CRPPA: variants seen among roughly 807,000 people sequenced by gnomAD.
CRPPA encodes D-ribitol-5-phosphate cytidylyltransferase.
In CRPPA, 43 loss-of-function variants were observed where a neutral mutation model predicts 52.0. That is an observed-to-expected ratio of 0.83 (90% CI 0.65 to 1.07). CRPPA has a LOEUF of 1.07. Among genes scored for constraint, CRPPA ranks in the 50% least tolerant of loss-of-function variants. CRPPA has a pLI of 0.00. For synonymous variants in CRPPA, 250 were observed against 203.5 expected (o/e 1.23, Z -1.94); for missense variants, 629 against 551.7 (o/e 1.14, Z -1.40).
At chr7:16,141,208 A>C (rs543071750) in intron 9 of CRPPA, among the ~76,000 whole-genome samples, 3 of 152,258 alleles carry the variant, frequency 2.0e-5, no homozygotes, top group Admixed American at 2.0e-4. Flanking sequence ...TTATCACTGC[A>C]ATTGTATTTG....
chr7:16,323,241 C>A (rs1785302682), intron 3 of CRPPA, among the ~76,000 whole-genome samples: 1 of 152,160 alleles, frequency 6.6e-6, no homozygotes, highest in African/African-American at 2.4e-5. Flanking sequence ...GGATATTATG[C>A]AGCATATTTA....
chr7:16,269,627 A>G (rs1784044114), intron 6 of CRPPA: 1 of 152,200 alleles, frequency 6.6e-6, no homozygotes, highest in Non-Finnish European at 1.5e-5. Context: ...GGCCTTGGAA[A>G]GAAGTTTTCC....
At chr7:16,130,805 C>T (rs1247484399) in intron 9 of CRPPA, among the ~76,000 whole-genome samples, 1 of 152,098 alleles carries the variant, frequency 6.6e-6, no homozygotes, top group Non-Finnish European at 1.5e-5. Flanking sequence ...CCCAAAATTC[C>T]TGTGTTGAAG....
intron 8 of CRPPA, among the ~76,000 whole-genome samples, chr7:16,245,277 A>G (rs12532139): frequency 0.11 from 17,394 of 152,284 alleles, 1,116 homozygotes; most frequent in East Asian, 0.21. Context: ...ACTGTGATAT[A>G]TCTAGATTTA....
At chr7:16,302,112 C>T (rs181047631) in intron 4 of CRPPA, among the ~76,000 whole-genome samples, 2,464 of 151,942 alleles carry the variant, frequency 0.016, 58 homozygotes, top group Admixed American at 0.059. Context: ...TTAGATAACA[C>T]GGTGAAACCC....
chr7:16,225,318 A>G (rs1441206129), intron 8 of CRPPA, among the ~76,000 whole-genome samples: 5 of 151,998 alleles, frequency 3.3e-5, no homozygotes, highest in African/African-American at 1.2e-4. Context: ...AAATTATTTT[A>G]CAAGGTGGTC....
At chr7:16,413,317 A>T (rs1265478727) in intron 1 of CRPPA, among the ~76,000 whole-genome samples, 5 of 152,156 alleles carry the variant, frequency 3.3e-5, no homozygotes, top group Non-Finnish European at 1.5e-5. Context: ...ACTTATTTTG[A>T]AGGTGTTCCA....
chr7:16,334,692 T>C (rs926300753), intron 3 of CRPPA, among the ~76,000 whole-genome samples: 4 of 152,084 alleles, frequency 2.6e-5, no homozygotes, highest in African/African-American at 7.2e-5. Context: ...GTTGAGCCAG[T>C]GATCTTACCA....
At chr7:16,185,471 A>T (rs1320915423) in intron 9 of CRPPA, among the ~76,000 whole-genome samples, 2 of 152,208 alleles carry the variant, frequency 1.3e-5, no homozygotes, top group Non-Finnish European at 2.9e-5. Flanking sequence ...TCATGTTTAT[A>T]GTAGTGTTAT....
At chr7:16,173,091 C>G (rs1485322958) in intron 9 of CRPPA, among the ~76,000 whole-genome samples, 1 of 152,172 alleles carries the variant, frequency 6.6e-6, no homozygotes, top group African/African-American at 2.4e-5. Flanking sequence ...CAGTGATTAT[C>G]AAGGTCGTTT....
chr7:16,222,117 TA>T (rs1485096749), intron 8 of CRPPA, among the ~76,000 whole-genome samples: 4 of 151,602 alleles, frequency 2.6e-5, no homozygotes, highest in African/African-American at 7.3e-5. Flanking sequence ...TATGCAGCCA[TA>T]AAAAATGATG....
intron 3 of CRPPA, among the ~76,000 whole-genome samples, chr7:16,346,219 T>A (rs1786011350): frequency 6.6e-6 from 1 of 152,050 alleles, no homozygotes; most frequent in Non-Finnish European, 1.5e-5. Flanking sequence ...GGACTGCATA[T>A]TTAAAAAGGA....
chr7:16,325,139 C>A (rs1420152303), intron 3 of CRPPA, among the ~76,000 whole-genome samples: 1 of 152,180 alleles, frequency 6.6e-6, no homozygotes, highest in African/African-American at 2.4e-5. Context: ...TCTGGATGAA[C>A]TGGTTGGCAA....
chr7:16,227,442 G>T (rs1027250759), intron 8 of CRPPA, among the ~76,000 whole-genome samples: 19 of 151,808 alleles, frequency 1.3e-4, no homozygotes, highest in Non-Finnish European at 2.9e-5. Context: ...TAGGCATGAG[G>T]TGATATCTCA....
chr7:16,280,619 T>C (rs1784302395), intron 5 of CRPPA, among the ~76,000 whole-genome samples: 1 of 152,226 alleles, frequency 6.6e-6, no homozygotes, highest in Non-Finnish European at 1.5e-5. Flanking sequence ...TTTCATCATA[T>C]ATCCCTCTTT....
At chr7:16,417,467 G>T (rs1390143542) in intron 1 of CRPPA, among the ~76,000 whole-genome samples, 1 of 152,160 alleles carries the variant, frequency 6.6e-6, no homozygotes, top group East Asian at 1.9e-4. Flanking sequence ...GCCATAAAAA[G>T]AACAAAATCA....
At chr7:16,146,083 T>C (rs1399069414) in intron 9 of CRPPA, among the ~76,000 whole-genome samples, 1 of 151,586 alleles carries the variant, frequency 6.6e-6, no homozygotes, top group Non-Finnish European at 1.5e-5. Context: ...GAAAAGTGAG[T>C]AGTTAAATAC....
At chr7:16,306,085 T>C (rs1342717889) in intron 4 of CRPPA, among the ~76,000 whole-genome samples, 1 of 152,160 alleles carries the variant, frequency 6.6e-6, no homozygotes, top group Non-Finnish European at 1.5e-5. Flanking sequence ...CACATGGCCT[T>C]CTCCCTGTAT....
chr7:16,171,576 C>G (rs1356151902), intron 9 of CRPPA, among the ~76,000 whole-genome samples: 1 of 152,038 alleles, frequency 6.6e-6, no homozygotes, highest in Non-Finnish European at 1.5e-5. Flanking sequence ...ACCATCCTGG[C>G]TAACAAGGTG....
Sources: gnomAD v4.1 joint callset for allele counts (sites outside exome capture counted in the v4.1 genomes callset) on GRCh38, gnomAD v4.1.1 for gene constraint, MANE v1.5 for transcripts, NCBI Gene and HGNC (gene_info 2026-07-23, HGNC 2026-07-21) for gene names.